Variants in ATF2 observed in about 807,000 individuals in gnomAD.
ATF2 encodes the protein cyclic AMP-dependent transcription factor ATF-2.
A neutral mutation model predicts 60.6 loss-of-function variants in ATF2; 24 were observed. The observed-to-expected ratio is 0.40, with a 90% CI of 0.29 to 0.56. The LOEUF (loss-of-function observed/expected upper bound fraction) is 0.56, where lower values mean the gene tolerates loss of function less well. Ranked by LOEUF, ATF2 falls within the 20% of genes least tolerant of loss-of-function variation. The pLI is 0.54. For missense variants in ATF2, 433 were observed against 607.7 expected, an observed-to-expected ratio of 0.71 and a Z score of 3.02; for synonymous variants, 206 against 215.4, an observed-to-expected ratio of 0.96 and a Z score of 0.38.
intron 2 of ATF2, among the ~76,000 whole-genome samples, chr2:175,138,260 T>A (rs1427077416): frequency 6.6e-6 from 1 of 152,202 alleles, no homozygotes; most frequent in African/African-American, 2.4e-5. Context: ...GTTTCCATTT[T>A]GTACTTGGCA....
intron 7 of ATF2, among the ~76,000 whole-genome samples, chr2:175,115,274 TC>T (rs1327958745): frequency 1.3e-5 from 2 of 152,146 alleles, no homozygotes; most frequent in African/African-American, 4.8e-5. Context: ...AGGAAACAGG[TC>T]CAGTGAGACT....
chr2:175,126,669 G>T (rs1032123290), intron 4 of ATF2: 3 of 152,040 alleles, frequency 2.0e-5, no homozygotes, highest in South Asian at 2.1e-4. Flanking sequence ...ATTTAAAATG[G>T]CATGTGTATT....
chr2:175,094,403 G>GAAAAA (rs61440218), intron 11 of ATF2, among the ~76,000 whole-genome samples: 55 of 61,132 alleles, frequency 9.0e-4, no homozygotes, highest in East Asian at 3.8e-3. Context: ...CAAAAAATAC[G>GAAAAA]AAAAAAAAAA....
chr2:175,105,547 T>A (rs1335535438), intron 10 of ATF2, among the ~76,000 whole-genome samples: 1 of 152,198 alleles, frequency 6.6e-6, no homozygotes, highest in East Asian at 1.9e-4. Flanking sequence ...TAACAATTGA[T>A]AGAAATAGCT....
chr2:175,108,451 C>T (rs2430559), intron 10 of ATF2, among the ~76,000 whole-genome samples: 13,728 of 147,016 alleles, frequency 0.093, 744 homozygotes, highest in Middle Eastern at 0.16. Context: ...CAGCCCCGTC[C>T]GGGAGGGAGG....
intron 2 of ATF2, among the ~76,000 whole-genome samples, chr2:175,145,374 T>C (rs1442089311): frequency 6.6e-6 from 1 of 152,138 alleles, no homozygotes; most frequent in Non-Finnish European, 1.5e-5. Context: ...ATCTGATTTT[T>C]TAAAATTGTG....
intron 12 of ATF2, among the ~76,000 whole-genome samples, chr2:175,084,622 T>C (rs1466375426): frequency 6.9e-6 from 1 of 145,452 alleles, no homozygotes. Context: ...TGTGCACATG[T>C]ACGCTAAAAC....
rs1215611656 is a variant in ATF2, at chr2:175,074,674, T to C, written c.1453A>G (p.Thr485Ala). ...ACGATCTGTGAAAGAGCAGGCTCTG[T>C]ACTCTGGTCCGCCATCTGGGTGAGG... is the stretch of plus-strand genomic sequence containing the variant. ...SVLTQMADQSTEPALSQIVMA... is the reference protein window; with the variant it reads ...SVLTQMADQSAEPALSQIVMA... The change falls in exon 14 of 14, where the codon ACA becomes GCA. Residue 485 changes from threonine (T) to alanine (A), a missense_variant. By Grantham distance (58) the Thr-to-Ala change is moderately conservative (BLOSUM62 0). Transcript: ENST00000264110. 6.2e-7 allele frequency: 1 copy of C among 1,613,420 alleles called. No individual in the cohort carries two copies. Among genetic ancestry groups the C allele is most frequent in the Non-Finnish European group, 8.5e-7 (1 of 1,179,668 alleles).
chr2:175,118,021 G>A lies in ATF2; in HGVS notation c.416C>T (p.Pro139Leu), dbSNP rs1445463111. 1 of 1,611,394 alleles carries A rather than the reference G, an allele frequency of 6.2e-7. No homozygotes were observed. The highest frequency in any genetic ancestry group is 8.5e-7 in the Non-Finnish European group (1 of 1,178,450). The change falls in exon 7 of 14, where the codon CCT becomes CTT. Residue 139 changes from proline to leucine, a missense_variant. Around this residue, in one of 5 missense-constraint regions of ATF2, gnomAD observed 246 missense variants for 309.3 expected, o/e 0.80. Transcript: ENST00000264110. ...ATCACTGGTAGTAGACTCTGGGTGA[G>A]GTAAAGGACTATCCTGGTGAGTTGT... is the stretch of plus-strand genomic sequence containing the variant. Reference protein sequence around the residue: ...VETTHQDSPLPHPESTTSDEK... With the variant: ...VETTHQDSPLLHPESTTSDEK...
intron 11 of ATF2, among the ~76,000 whole-genome samples, chr2:175,095,330 G>A (rs955933151): frequency 6.6e-6 from 1 of 152,246 alleles, no homozygotes; most frequent in African/African-American, 2.4e-5. Context: ...GACCTCAGGT[G>A]ATCCACCCGC....
chr2:175,158,661 T>C (rs1056801381), intron 1 of ATF2, among the ~76,000 whole-genome samples: 1 of 151,616 alleles, frequency 6.6e-6, no homozygotes, highest in Non-Finnish European at 1.5e-5. Context: ...AAAATAAGAG[T>C]GACTTAAAGC....
chr2:175,156,928 T>C (rs1699727191), intron 1 of ATF2, among the ~76,000 whole-genome samples: 2 of 152,196 alleles, frequency 1.3e-5, no homozygotes, highest in African/African-American at 4.8e-5. Context: ...ACCAGGAAGA[T>C]GGACTTGTGC....
intron 1 of ATF2, 136 bp downstream of exon 1, chr2:175,167,914 G>C (rs187791635): frequency 2.3e-4 from 87 of 370,788 alleles, no homozygotes; most frequent in African/African-American, 1.6e-3. Context: ...AAGGGCTAAG[G>C]AGCACGTCAG....
intron 4 of ATF2, among the ~76,000 whole-genome samples, chr2:175,122,084 G>A (rs776848186): frequency 1.3e-5 from 2 of 151,776 alleles, no homozygotes; most frequent in African/African-American, 2.4e-5. Context: ...AATAGCAACC[G>A]ATACAATAAC....
rs151176500 is a variant in ATF2, at chr2:175,118,303, G to A, written c.266C>T (p.Ala89Val). ...CEEVGLFNELASPFENEFKKA... is the reference protein window; with the variant it reads ...CEEVGLFNELVSPFENEFKKA... ...CTTGAATTCATTCTCAAATGGACTC[G>A]CCAACTCATTAAACAAACCCACTTC... is the stretch of plus-strand genomic sequence containing the variant. The change falls in exon 6 of 14, where the codon GCG (alanine) becomes GTG (valine). Residue 89 changes from alanine (A) to valine (V), a missense_variant. Coordinates refer to ENST00000264110, the MANE Select transcript of ATF2 (RefSeq NM_001880.4). 5.0e-6 allele frequency: 8 copies of A among 1,610,414 alleles called. No homozygotes were observed. The highest frequency in any genetic ancestry group is 2.2e-5 in the East Asian group (1 of 44,724).
At chr2:175,165,591 T>C (rs867650659) in intron 1 of ATF2, among the ~76,000 whole-genome samples, 3 of 152,248 alleles carry the variant, frequency 2.0e-5, no homozygotes, top group South Asian at 2.1e-4. Context: ...TTTTCTACCA[T>C]AGTCATAGAG....
At position 175,079,252 on chromosome 2, in the gene ATF2, T is replaced by C. The variant is rs34454159; in HGVS notation, c.1291+1408A>G. On this transcript the variant is annotated intron_variant, in intron 13 of 13. Coordinates refer to ENST00000264110, the MANE Select transcript of ATF2 (RefSeq NM_001880.4). Reference sequence around the variant, plus strand: ...AAGATTTAAAAATTACAGGTAATTCTGAATTGGATACAATTTAAGAGAACA... The same window carrying C: ...AAGATTTAAAAATTACAGGTAATTCCGAATTGGATACAATTTAAGAGAACA... Among the ~76,000 whole-genome samples the C allele has an allele frequency of 7.0e-4, 107 of 152,330 alleles. 1 individual carries two copies. Among genetic ancestry groups the C allele is most frequent in the Admixed American group, 1.8e-3 (28 of 15,286 alleles).
intron 10 of ATF2, among the ~76,000 whole-genome samples, chr2:175,106,641 G>T (rs1186942025): frequency 6.6e-6 from 1 of 151,920 alleles, no homozygotes; most frequent in Non-Finnish European, 1.5e-5. Flanking sequence ...TTCGAGACCA[G>T]CCTGGCCAAC....
At chr2:175,129,625 T>G (rs1382850760) in intron 4 of ATF2, among the ~76,000 whole-genome samples, 1 of 151,786 alleles carries the variant, frequency 6.6e-6, no homozygotes, top group Admixed American at 6.6e-5. Context: ...AGGAATAGAT[T>G]AATAATTTAG....
Sources: gnomAD v4.1 joint callset for allele counts (sites outside exome capture counted in the v4.1 genomes callset) on GRCh38, gnomAD v4.1.1 for gene constraint, gnomAD v4.1.1 regional missense constraint, MANE v1.5 for transcripts, NCBI Gene and HGNC (gene_info 2026-07-23, HGNC 2026-07-21) for gene names.